The following PKIG variants were observed in gnomAD, a reference collection of about 807,000 sequenced individuals.
The protein encoded by PKIG is protein kinase (cAMP-dependent, catalytic) inhibitor gamma.
Under a neutral mutation model 6.8 loss-of-function variants are expected in PKIG, and 1 was observed. The observed-to-expected ratio is 0.15, with a 90% CI of 0.05 to 0.69. The LOEUF (loss-of-function observed/expected upper bound fraction) is 0.69. Among genes scored for constraint, PKIG ranks in the 30% least tolerant of loss-of-function variants. The pLI is 0.82. For missense variants in PKIG, 77 were observed against 104.0 expected (o/e 0.74, Z 1.13); for synonymous variants, 39 against 43.0 (o/e 0.91, Z 0.36).
intron 1 of PKIG, among the ~76,000 whole-genome samples, chr20:44,539,179 C>T (rs1051287186): frequency 6.6e-6 from 1 of 152,030 alleles, no homozygotes; most frequent in African/African-American, 2.4e-5. Context: ...TCTGCCCGCC[C>T]ACCTCAGCCT....
rs3092664 is a variant in PKIG, at chr20:44,545,525, A to G, written c.-241+13547A>G. Among the ~76,000 whole-genome samples the G allele has an allele frequency of 3.1e-3, 465 of 152,260 alleles. 1 individual carries two copies. The highest frequency in any genetic ancestry group is 0.01 in the African/African-American group (434 of 41,548). ...TGAAAAGATTGAAGAAAAAAATTAT[A>G]AAAATATGGAGATTCTGACAGATAG... is the stretch of plus-strand genomic sequence containing the variant. On this transcript the variant is annotated intron_variant, in intron 1 of 4. Coordinates refer to the PKIG transcript ENST00000372887.
At chr20:44,563,136 C>T (rs1455442740) in intron 1 of PKIG, among the ~76,000 whole-genome samples, 3 of 151,996 alleles carry the variant, frequency 2.0e-5, no homozygotes, top group Non-Finnish European at 4.4e-5. Context: ...CTACCAAGCA[C>T]TTAAGAGAAA....
chr20:44,606,869 C>G (rs574057964), intron 2 of PKIG, among the ~76,000 whole-genome samples: 49 of 152,342 alleles, frequency 3.2e-4, no homozygotes, highest in Middle Eastern at 3.4e-3. Flanking sequence ...CTGCCATTTG[C>G]TCTGTGAGAA....
chr20:44,568,728 C>T (rs935754125), intron 1 of PKIG, among the ~76,000 whole-genome samples: 1 of 152,124 alleles, frequency 6.6e-6, no homozygotes, highest in Non-Finnish European at 1.5e-5. Flanking sequence ...GGATTACAGT[C>T]GTGAGCCACT....
intron 1 of PKIG, among the ~76,000 whole-genome samples, chr20:44,534,760 C>T (rs1363648949): frequency 2.0e-5 from 3 of 152,096 alleles, no homozygotes; most frequent in African/African-American, 7.2e-5. Context: ...TGAGCCACTG[C>T]GCCCGGCCTC....
At chr20:44,585,858 T>C (rs969308667) in intron 1 of PKIG, among the ~76,000 whole-genome samples, 1 of 152,234 alleles carries the variant, frequency 6.6e-6, no homozygotes, top group African/African-American at 2.4e-5. Context: ...CTACCGTTTC[T>C]TTCGATTTAG....
At chr20:44,549,913 T>A (rs1326387788) in intron 1 of PKIG, among the ~76,000 whole-genome samples, 1 of 152,034 alleles carries the variant, frequency 6.6e-6, no homozygotes, top group Non-Finnish European at 1.5e-5. Flanking sequence ...TTTGATAATA[T>A]TATATCTCTT....
rs1773413392 is a variant in PKIG, at chr20:44,618,433, T to A, written c.*69T>A. The A allele has an allele frequency of 9.6e-6, 10 of 1,044,820 alleles. No homozygotes were observed. Among genetic ancestry groups the A allele is most frequent in the Non-Finnish European group, 1.5e-5 (10 of 662,800 alleles). 64.7% of individuals were successfully genotyped at this position (1,044,820 alleles called of 1,614,324 possible). A position where few individuals can be genotyped will look rare whatever the true frequency, so the allele number is the denominator to read the frequency against. ...CCTCCCAGAGGGGGAACCCTGGCAC[T>A]GGCCCAGCAGCCTCTTCTCTGAGCT... On this transcript the variant is annotated 3_prime_UTR_variant, in exon 4 of 4. Transcript: ENST00000372886.
At chr20:44,586,153 T>A (rs892738444) in intron 1 of PKIG, among the ~76,000 whole-genome samples, 8 of 152,338 alleles carry the variant, frequency 5.3e-5, no homozygotes, top group African/African-American at 1.9e-4. Flanking sequence ...TTATAGAACC[T>A]ACTTCTCTTT....
rs751296032 is a variant in PKIG at position 44,543,945 on chromosome 20, TC to T, written c.-241+11970del. ...CGTGTGTGATGGTAGACGCCTGTAG[TC>T]CCAGCTACTCGGGAGGCTGAGGCAG... On this transcript the variant is annotated intron_variant, in intron 1 of 4. Coordinates refer to the PKIG transcript ENST00000372887. Among the ~76,000 whole-genome samples the T allele has an allele frequency of 4.0e-5, 6 of 151,862 alleles. 1 individual carries two copies. In the East Asian group the frequency reaches 1.2e-3, roughly 29 times the overall value.
chr20:44,569,938 G>A (rs893177335), intron 1 of PKIG, among the ~76,000 whole-genome samples: 1 of 152,220 alleles, frequency 6.6e-6, no homozygotes, highest in East Asian at 1.9e-4. Flanking sequence ...AGACCAGCCT[G>A]GCGACACAGT....
rs769072173 is a variant in PKIG at position 44,591,199 on chromosome 20, C to T, written c.-24+1333C>T. On this transcript the variant is annotated intron_variant, in intron 2 of 3. Coordinates refer to ENST00000372886, the MANE Select transcript of PKIG (RefSeq NM_001281445.2). ...TGGGCGGGGACAGGCTGGGGGCTTG[C>T]GGAGCAGCACAGCGAAGGCCTGGAG... 4.6e-5 allele frequency among the ~76,000 whole-genome samples: 7 copies of T among 151,906 alleles called. No homozygotes were observed. In the East Asian group the frequency reaches 5.8e-4, roughly 13 times the overall value.
intron 1 of PKIG, among the ~76,000 whole-genome samples, chr20:44,573,820 G>A (rs2064873587): frequency 6.6e-6 from 1 of 152,220 alleles, no homozygotes; most frequent in African/African-American, 2.4e-5. Flanking sequence ...TACACTTAAT[G>A]TGGATATATT....
intron 1 of PKIG, among the ~76,000 whole-genome samples, chr20:44,584,812 C>T (rs1358107444): frequency 1.3e-5 from 2 of 151,868 alleles, no homozygotes; most frequent in African/African-American, 4.8e-5. Flanking sequence ...TTCCACCTCC[C>T]GTTTTTGTTC....
chr20:44,595,175 A>T (rs1434388356), intron 2 of PKIG, among the ~76,000 whole-genome samples: 4 of 152,234 alleles, frequency 2.6e-5, no homozygotes, highest in Non-Finnish European at 5.9e-5. Flanking sequence ...CCAGGGGCTT[A>T]TGGGTTAAGA....
At chr20:44,617,323 G>A (rs1306093566) in intron 3 of PKIG, among the ~76,000 whole-genome samples, 1 of 152,108 alleles carries the variant, frequency 6.6e-6, no homozygotes, top group Non-Finnish European at 1.5e-5. Flanking sequence ...GTTTAAGAAT[G>A]TACCACCTAT....
chr20:44,617,957 G>A (rs1440296013), intron 3 of PKIG, among the ~76,000 whole-genome samples: 2 of 151,886 alleles, frequency 1.3e-5, no homozygotes, highest in Non-Finnish European at 2.9e-5. Flanking sequence ...ACACACTGGG[G>A]ACTTAACATC....
chr20:44,562,051 G>A (rs1189884082), intron 1 of PKIG, among the ~76,000 whole-genome samples: 1 of 152,140 alleles, frequency 6.6e-6, no homozygotes, highest in East Asian at 1.9e-4. Context: ...CTGCTTGGAA[G>A]GCTGCAATGG....
intron 2 of PKIG, among the ~76,000 whole-genome samples, chr20:44,600,825 C>T (rs891776718): frequency 2.6e-5 from 4 of 151,916 alleles, no homozygotes; most frequent in African/African-American, 9.7e-5. Flanking sequence ...TTGGGAAGGC[C>T]GTGGCGAGCA....
Sources: gnomAD v4.1 joint callset for allele counts (sites outside exome capture counted in the v4.1 genomes callset) on GRCh38, gnomAD v4.1.1 for gene constraint, MANE v1.5 for transcripts, NCBI Gene and HGNC (gene_info 2026-07-23, HGNC 2026-07-21) for gene names.